The following ROR2 variants were observed in gnomAD, a reference collection of about 807,000 sequenced individuals.
The protein encoded by ROR2 is tyrosine-protein kinase transmembrane receptor ROR2.
Under a neutral mutation model 74.9 loss-of-function variants are expected in ROR2, and 33 were observed. The observed-to-expected ratio is 0.44, with a 90% CI of 0.33 to 0.59. ROR2 has a LOEUF of 0.59. Among genes scored for constraint, ROR2 ranks in the 20% least tolerant of loss-of-function variants. ROR2 has a pLI of 0.02. For synonymous variants in ROR2, 586 were observed against 558.7 expected (o/e 1.05, Z -0.69); for missense variants, 1,216 against 1,313.8 (o/e 0.93, Z 1.15).
In ROR2 at chr9:91,776,622, A is replaced by G. The variant is rs186762727; in HGVS notation, c.98-804T>C. Among the ~76,000 whole-genome samples, 295 of 152,344 alleles carry G rather than the reference A, an allele frequency of 1.9e-3. 1 individual carries two copies. Among genetic ancestry groups the G allele is most frequent in the Non-Finnish European group, 2.4e-3 (160 of 68,024 alleles). ...GGGAGGACGAGTGGTCCCATCATGG[A>G]AACCCAGACAGAAGCACCTCCTGCT... On this transcript the variant is annotated intron_variant, in intron 1 of 8. Transcript: ENST00000375708.
At chr9:91,894,127 C>G (rs1032178832) in intron 1 of ROR2, among the ~76,000 whole-genome samples, 1 of 152,184 alleles carries the variant, frequency 6.6e-6, no homozygotes, top group African/African-American at 2.4e-5. Context: ...ACTCCAGCCC[C>G]GTCACTCTCC....
chr9:91,844,588 T>C (rs79188468), intron 1 of ROR2, among the ~76,000 whole-genome samples: 5,671 of 152,286 alleles, frequency 0.037, 159 homozygotes, highest in East Asian at 0.098. Context: ...TTCTTAGTTT[T>C]AGGAGGCAGC....
intron 1 of ROR2, among the ~76,000 whole-genome samples, chr9:91,903,727 C>T (rs1022877910): frequency 3.3e-5 from 5 of 152,078 alleles, no homozygotes; most frequent in African/African-American, 9.7e-5. Flanking sequence ...ACTCTGTAGA[C>T]AAAGAGGAAC....
At chr9:91,894,827 T>C (rs1830499021) in intron 1 of ROR2, among the ~76,000 whole-genome samples, 1 of 152,190 alleles carries the variant, frequency 6.6e-6, no homozygotes, top group Admixed American at 6.5e-5. Flanking sequence ...CATTCACTGC[T>C]CATGAGAATG....
intron 1 of ROR2, among the ~76,000 whole-genome samples, chr9:91,882,147 C>A (rs1382644548): frequency 6.6e-6 from 1 of 152,030 alleles, no homozygotes; most frequent in East Asian, 1.9e-4. Context: ...CACGGTGGAT[C>A]ATGCCTGTAA....
At position 91,725,005 on chromosome 9, in the gene ROR2, G is replaced by C; in HGVS notation, c.1489C>G (p.Pro497Ala). The stretch of plus-strand genomic sequence containing the variant: ...GCCACAGCCTGGGTCTGCTCCCCCG[G>C]GGCAGGGCCGAACAGGTGACCTTTG... Reference protein sequence around the residue: ...VYKGHLFGPAPGEQTQAVAIK... With the variant: ...VYKGHLFGPAAGEQTQAVAIK... The change falls in exon 9 of 9, where the codon CCG becomes GCG. Residue 497 changes from proline to alanine, a missense_variant. Coordinates refer to ENST00000375708, the MANE Select transcript of ROR2 (RefSeq NM_004560.4). The C allele has an allele frequency of 6.2e-7, 1 of 1,613,840 alleles. No homozygotes were observed. Among genetic ancestry groups the C allele is most frequent in the African/African-American group, 1.3e-5 (1 of 75,052 alleles).
At chr9:91,757,125 C>T in intron 3 of ROR2, 147 bp downstream of exon 3, 1 of 1,028,264 alleles carries the variant, frequency 9.7e-7, no homozygotes, top group Non-Finnish European at 1.5e-6. Flanking sequence ...CCCTGGGGCA[C>T]ATGGGGAAGG....
rs1438402703 is a variant in ROR2 at position 91,736,840 on chromosome 9, C to T, written c.622+551G>A. ...CTTTCTCAGACCCTGAACCAGGTACCCAAAGACGTGGCTTTGTTCTCTGGA... is the reference window on the plus strand; with the variant it reads ...CTTTCTCAGACCCTGAACCAGGTACTCAAAGACGTGGCTTTGTTCTCTGGA... On this transcript the variant is annotated intron_variant, in intron 5 of 8. Coordinates refer to ENST00000375708, the MANE Select transcript of ROR2 (RefSeq NM_004560.4). Among the ~76,000 whole-genome samples the T allele has an allele frequency of 2.0e-5, 3 of 152,226 alleles. No homozygotes were observed. In the East Asian group the frequency reaches 5.8e-4, roughly 29 times the overall value.
At chr9:91,897,434 T>C (rs1830562375) in intron 1 of ROR2, among the ~76,000 whole-genome samples, 1 of 152,228 alleles carries the variant, frequency 6.6e-6, no homozygotes, top group African/African-American at 2.4e-5. Flanking sequence ...GTAAACGTTA[T>C]AATAATAGTC....
At chr9:91,783,917 C>T (rs756223473) in intron 1 of ROR2, among the ~76,000 whole-genome samples, 4 of 152,292 alleles carry the variant, frequency 2.6e-5, no homozygotes, top group Non-Finnish European at 4.4e-5. Flanking sequence ...CTCCCCAGTC[C>T]TCTGAATGGA....
intron 1 of ROR2, among the ~76,000 whole-genome samples, chr9:91,857,827 A>T (rs903655945): frequency 6.6e-6 from 1 of 152,196 alleles, no homozygotes; most frequent in Non-Finnish European, 1.5e-5. Flanking sequence ...TCTGGTTTTC[A>T]TTGAACGGAG....
intron 1 of ROR2, among the ~76,000 whole-genome samples, chr9:91,940,539 G>A (rs961928972): frequency 1.3e-5 from 2 of 151,182 alleles, no homozygotes; most frequent in Non-Finnish European, 2.9e-5. Context: ...CACCTGGATC[G>A]CATCCATCCT....
intron 1 of ROR2, among the ~76,000 whole-genome samples, chr9:91,835,005 T>C (rs1308202319): frequency 6.8e-6 from 1 of 147,536 alleles, no homozygotes; most frequent in Non-Finnish European, 1.5e-5. Flanking sequence ...AACGTCACTG[T>C]GGGTGGGTGG....
chr9:91,754,119 C>T (rs1000157252), intron 4 of ROR2, among the ~76,000 whole-genome samples: 2 of 151,818 alleles, frequency 1.3e-5, no homozygotes, highest in African/African-American at 4.8e-5. Context: ...CTGCCCCAGT[C>T]ATTTACATCA....
intron 1 of ROR2, among the ~76,000 whole-genome samples, chr9:91,916,332 G>C (rs576812040): frequency 7.0e-6 from 1 of 143,622 alleles, no homozygotes; most frequent in East Asian, 2.1e-4. Context: ...TTGTTCAGGT[G>C]ATGCTCCCCT....
intron 1 of ROR2, among the ~76,000 whole-genome samples, chr9:91,900,408 C>G (rs548211952): frequency 6.6e-6 from 1 of 152,384 alleles, no homozygotes; most frequent in East Asian, 1.9e-4. Flanking sequence ...CAGGCCCCCC[C>G]ACGCAGGGAA....
intron 7 of ROR2, among the ~76,000 whole-genome samples, chr9:91,728,642 C>A (rs778046067): frequency 1.3e-5 from 2 of 152,010 alleles, no homozygotes; most frequent in Non-Finnish European, 2.9e-5. Context: ...TGTTGGCCAG[C>A]CTGGTCTTGA....
chr9:91,774,045 CAGTA>C (rs1826331144), intron 2 of ROR2, among the ~76,000 whole-genome samples: 1 of 152,240 alleles, frequency 6.6e-6, no homozygotes, highest in Non-Finnish European at 1.5e-5. Flanking sequence ...TGGGGACAAT[CAGTA>C]AGTATCTGTG....
intron 1 of ROR2, among the ~76,000 whole-genome samples, chr9:91,850,921 G>A (rs980362354): frequency 1.3e-5 from 2 of 151,816 alleles, no homozygotes; most frequent in South Asian, 2.1e-4. Flanking sequence ...ATTTTTTTCA[G>A]GGGGTGACTG....
Sources: gnomAD v4.1 joint callset for allele counts (sites outside exome capture counted in the v4.1 genomes callset) on GRCh38, gnomAD v4.1.1 for gene constraint, MANE v1.5 for transcripts, NCBI Gene and HGNC (gene_info 2026-07-23, HGNC 2026-07-21) for gene names.